The following LRP1B variants were observed in gnomAD, a reference collection of about 807,000 sequenced individuals.
The protein encoded by LRP1B is low-density lipoprotein receptor-related protein 1B.
A neutral mutation model predicts 556.6 loss-of-function variants in LRP1B; 217 were observed. The observed-to-expected ratio is 0.39, with a 90% confidence interval of 0.35 to 0.44. The LOEUF (loss-of-function observed/expected upper bound fraction) is 0.44, where lower values mean the gene tolerates loss of function less well. LRP1B is among the 20% of genes least tolerant of loss of function. The pLI, the probability that LRP1B is intolerant of heterozygous loss-of-function variation, is 1.00. For missense variants in LRP1B, 5,053 were observed against 5,620.8 expected (o/e 0.90, Z 3.23); for synonymous variants, 2,047 against 1,865.8 (o/e 1.10, Z -2.50).
rs13414650 is a variant in LRP1B, at chr2:140,539,573, A to T, written c.7513+1400T>A. 8.2e-3 allele frequency among the ~76,000 whole-genome samples: 1,242 copies of T among 152,182 alleles called. 9 individuals carry two copies. The highest frequency in any genetic ancestry group is 0.034 in the East Asian group (175 of 5,160). On this transcript the variant is annotated intron_variant, in intron 45 of 90. Coordinates refer to ENST00000389484, the MANE Select transcript of LRP1B (RefSeq NM_018557.3). ...GTATTGAAGGTATTATGCAGCAAGG[A>T]CAGGCCTCCACCGAACAGAAATAAG...
At chr2:141,936,989 T>C (rs2105006399) in intron 1 of LRP1B, among the ~76,000 whole-genome samples, 1 of 152,058 alleles carries the variant, frequency 6.6e-6, no homozygotes, top group Admixed American at 6.5e-5. Context: ...TTCTGAACAA[T>C]GTTGTAACCA....
At chr2:141,378,718 G>C (rs1403157149) in intron 3 of LRP1B, among the ~76,000 whole-genome samples, 1 of 152,152 alleles carries the variant, frequency 6.6e-6, no homozygotes, top group Non-Finnish European at 1.5e-5. Flanking sequence ...TTGAATAGCA[G>C]ATTTGAATAT....
At chr2:141,653,624 A>G (rs1182544300) in intron 2 of LRP1B, among the ~76,000 whole-genome samples, 4 of 152,330 alleles carry the variant, frequency 2.6e-5, no homozygotes, top group Admixed American at 1.3e-4. Context: ...CTGAGACTAC[A>G]CTGTGAATCA....
chr2:141,547,516 C>T (rs1685596950), intron 2 of LRP1B, among the ~76,000 whole-genome samples: 1 of 152,156 alleles, frequency 6.6e-6, no homozygotes, highest in African/African-American at 2.4e-5. Flanking sequence ...CATGTAAACT[C>T]CTTTACAAGC....
intron 39 of LRP1B, 109 bp from the exon 40 acceptor site, chr2:140,701,954 CT>C: frequency 7.1e-7 from 1 of 1,417,522 alleles, no homozygotes; most frequent in Non-Finnish European, 9.7e-7. Flanking sequence ...AAGAAACCAA[CT>C]TTAGTCTGTG....
At chr2:141,404,599 T>C (rs989268183) in intron 3 of LRP1B, among the ~76,000 whole-genome samples, 9 of 152,114 alleles carry the variant, frequency 5.9e-5, no homozygotes, top group Admixed American at 1.3e-4. Flanking sequence ...GATATCCTAA[T>C]AGAAAAATAC....
At position 140,244,439 on chromosome 2, in the gene LRP1B, A is replaced by G. The variant is rs372317775; in HGVS notation, c.13324+2647T>C. Among the ~76,000 whole-genome samples the G allele has an allele frequency of 4.0e-4, 60 of 151,506 alleles. No homozygotes were observed. The South Asian group carries it at 5.6e-3, about 14-fold the overall frequency. On this transcript the variant is annotated intron_variant, in intron 87 of 90. Coordinates refer to ENST00000389484, the MANE Select transcript of LRP1B (RefSeq NM_018557.3). The stretch of plus-strand genomic sequence containing the variant: ...AATTTCAGCGGATACAACAAATAAC[A>G]TAATTGAAACACTGATCATTCAATG...
At position 141,669,720 on chromosome 2, in the gene LRP1B, T is replaced by TA. The variant is rs565001979; in HGVS notation, c.205+140558dup. Among the ~76,000 whole-genome samples the TA allele has an allele frequency of 2.8e-4, 33 of 118,040 alleles. 1 individual carries two copies. Among genetic ancestry groups the TA allele is most frequent in the Non-Finnish European group, 3.6e-4 (22 of 61,606 alleles). The allele number at this position is 118,040 out of a possible 152,430, so 77.4% of individuals were successfully genotyped here. A position where few individuals can be genotyped will look rare whatever the true frequency, so the allele number is the denominator to read the frequency against. On this transcript the variant is annotated intron_variant, in intron 2 of 90. Coordinates refer to ENST00000389484, the MANE Select transcript of LRP1B (RefSeq NM_018557.3). ...TATATCCTACATACTTCTATTGTAT[T>TA]AAAAAATGTCATGTTTTCATTGCCT...
intron 2 of LRP1B, among the ~76,000 whole-genome samples, chr2:141,591,367 T>TG (rs1400511897): frequency 8.2e-6 from 1 of 122,028 alleles, no homozygotes; most frequent in Admixed American, 8.4e-5. Context: ...TTGTTTGTTT[T>TG]TTTTTTTTTC....
chr2:141,661,420 G>A (rs1281385114), intron 2 of LRP1B, among the ~76,000 whole-genome samples: 1 of 152,066 alleles, frequency 6.6e-6, no homozygotes, highest in Admixed American at 6.5e-5. Context: ...TGCAAAGAAG[G>A]TAAGAACCAT....
intron 79 of LRP1B, among the ~76,000 whole-genome samples, chr2:140,326,748 G>A (rs1011861293): frequency 6.6e-5 from 10 of 151,962 alleles, no homozygotes; most frequent in African/African-American, 2.2e-4. Flanking sequence ...TAAAGTTCTC[G>A]ATTAAGGTTC....
chr2:141,719,291 A>G (rs1056083054), intron 2 of LRP1B, among the ~76,000 whole-genome samples: 1 of 152,138 alleles, frequency 6.6e-6, no homozygotes, highest in Non-Finnish European at 1.5e-5. Flanking sequence ...ATGTTATTCA[A>G]TAACTTTTAG....
chr2:141,955,155 A>G (rs2105042441), intron 1 of LRP1B, among the ~76,000 whole-genome samples: 1 of 152,250 alleles, frequency 6.6e-6, no homozygotes, highest in East Asian at 1.9e-4. Flanking sequence ...TTAAATTTGA[A>G]TTTCAGGCAA....
intron 3 of LRP1B, among the ~76,000 whole-genome samples, chr2:141,384,656 C>G (rs7590447): frequency 0.015 from 2,273 of 152,162 alleles, 49 homozygotes; most frequent in African/African-American, 0.051. Flanking sequence ...AGCAGCATGC[C>G]ACAGGTTGCT....
intron 1 of LRP1B, among the ~76,000 whole-genome samples, chr2:141,902,278 G>T (rs1699640269): frequency 6.6e-6 from 1 of 151,578 alleles, no homozygotes; most frequent in Non-Finnish European, 1.5e-5. Flanking sequence ...CCTACTAAAA[G>T]ATGATTAGAA....
Position 141,954,795 on chromosome 2 carries a change from T to C in LRP1B, c.83-144394A>G, listed in dbSNP as rs533541076. On this transcript the variant is annotated intron_variant, in intron 1 of 90. Coordinates refer to ENST00000389484, the MANE Select transcript of LRP1B (RefSeq NM_018557.3). ...TAGCTCAAAGTTTTGAGCCTCTGAG[T>C]CTCTCAGCTACATATGAGTTATCTT... Among the ~76,000 whole-genome samples, 19 of 152,184 alleles carry C rather than the reference T, an allele frequency of 1.2e-4. 1 individual carries two copies. The South Asian group carries it at 3.7e-3, about 30-fold the overall frequency.
chr2:141,763,085 T>G (rs190081570), intron 2 of LRP1B, among the ~76,000 whole-genome samples: 34 of 152,296 alleles, frequency 2.2e-4, no homozygotes, highest in African/African-American at 7.9e-4. Context: ...TTCATGTTGT[T>G]GTGTATAAGA....
At chr2:141,853,664 T>A (rs897983440) in intron 1 of LRP1B, among the ~76,000 whole-genome samples, 17 of 151,818 alleles carry the variant, frequency 1.1e-4, no homozygotes, top group Non-Finnish European at 2.9e-5. Context: ...TGAAAATCAA[T>A]GTGGACTTAC....
At chr2:141,379,540 T>C (rs536893313) in intron 3 of LRP1B, among the ~76,000 whole-genome samples, 1 of 152,274 alleles carries the variant, frequency 6.6e-6, no homozygotes, top group Non-Finnish European at 1.5e-5. Flanking sequence ...AATACCCATA[T>C]TGAAACAGGC....
Sources: allele counts gnomAD v4.1 joint callset (sites outside exome capture counted in the v4.1 genomes callset), GRCh38; gene constraint gnomAD v4.1.1; transcripts MANE v1.5; gene names NCBI Gene and HGNC (gene_info 2026-07-23, HGNC 2026-07-21).